The following EVPLL variants were observed in gnomAD, a reference collection of about 807,000 sequenced individuals.
The protein encoded by EVPLL is envoplakin-like protein.
A neutral mutation model predicts 46.2 loss-of-function variants in EVPLL; 39 were observed. The observed-to-expected ratio is 0.84, with a 90% CI of 0.65 to 1.10. The LOEUF is 1.10. EVPLL is among the 50% of genes least tolerant of loss of function. The pLI, the probability that EVPLL is intolerant of heterozygous loss-of-function variation, is 0.00. For missense variants in EVPLL, 385 were observed against 412.6 expected (o/e 0.93, Z 0.58); for synonymous variants, 156 against 165.8 (o/e 0.94, Z 0.46).
At position 18,389,009 on chromosome 17, in the gene EVPLL, C is replaced by G. The variant is rs1262297667; in HGVS notation, c.*193C>G. 14 of 124,092 alleles carry G rather than the reference C, an allele frequency of 1.1e-4. No individual in the cohort carries two copies. The highest frequency in any genetic ancestry group is 2.1e-4 in the Non-Finnish European group (12 of 56,968). The allele number at this position is 124,092 out of a possible 1,614,324, so 7.7% of individuals were successfully genotyped here. Reference sequence around the variant, plus strand: ...CTGCACCGATACAGCCAAAGACCAGCAAAGCGACAAGCTGCCAGACCTCAT... The same window carrying G: ...CTGCACCGATACAGCCAAAGACCAGGAAAGCGACAAGCTGCCAGACCTCAT... On this transcript the variant is annotated 3_prime_UTR_variant, in exon 11 of 11. Transcript: ENST00000399134.
At chr17:18,384,757 G>A (rs1987713785) in intron 9 of EVPLL, among the ~76,000 whole-genome samples, 1 of 152,150 alleles carries the variant, frequency 6.6e-6, no homozygotes, top group African/African-American at 2.4e-5. Flanking sequence ...ATAGAGCTGG[G>A]GCTTCCTTTT....
At chr17:18,387,707 T>A (rs1392113239) in intron 9 of EVPLL, among the ~76,000 whole-genome samples, 1 of 152,122 alleles carries the variant, frequency 6.6e-6, no homozygotes, top group Non-Finnish European at 1.5e-5. Context: ...TTCGTATTTA[T>A]GCCTCTTAAA....
chr17:18,382,476 T>G (rs1309736043), intron 4 of EVPLL, 37 bp from the exon 5 acceptor site: 2 of 1,550,098 alleles, frequency 1.3e-6, no homozygotes, highest in African/African-American at 2.7e-5. Context: ...CTCTCCACCC[T>G]GGTCCTGTGG....
At chr17:18,387,437 T>C (rs1184924684) in intron 9 of EVPLL, among the ~76,000 whole-genome samples, 3 of 143,252 alleles carry the variant, frequency 2.1e-5, no homozygotes, top group Non-Finnish European at 4.6e-5. Context: ...ACCTGGCCCC[T>C]CCCCAGGGCT....
chr17:18,380,811 T>TG (rs1454502647), intron 1 of EVPLL, 91 bp from the exon 2 acceptor site: 1 of 1,067,836 alleles, frequency 9.4e-7, no homozygotes, highest in African/African-American at 1.6e-5. Context: ...GGGGGCGGGA[T>TG]GGGGTGGAGA....
rs1416158120 is a variant in EVPLL, at chr17:18,381,046, C to T, written c.63+46C>T. On this transcript the variant is annotated intron_variant, in intron 2 of 10. Coordinates refer to ENST00000399134, the MANE Select transcript of EVPLL (RefSeq NM_001145127.2). The surrounding 1 kb of genome is among the most constrained non-coding windows in gnomAD (Gnocchi z 4.2). ...GGCAGGGTGTGGGCAGGCTGGGTGG[C>T]ATGGGAGGCCCATCATCAGGCCTGG... is the stretch of plus-strand genomic sequence containing the variant. The T allele has an allele frequency of 6.5e-7, 1 of 1,549,984 alleles. No individual in the cohort carries two copies. Among genetic ancestry groups the T allele is most frequent in the Non-Finnish European group, 8.7e-7 (1 of 1,146,082 alleles).
rs552422323 is a variant in EVPLL, at chr17:18,387,404, T to TC, written c.877-811dup. ...TTTCACCTGGATTACTGTACCAGCC[T>TC]CCCCAATGGCCTCCCTGGTGCCACC... On this transcript the variant is annotated intron_variant, in intron 9 of 10. Coordinates refer to ENST00000399134, the MANE Select transcript of EVPLL (RefSeq NM_001145127.2). 3.3e-3 allele frequency among the ~76,000 whole-genome samples: 493 copies of TC among 149,484 alleles called. 1 individual carries two copies. Among genetic ancestry groups the TC allele is most frequent in the African/African-American group, 0.012 (475 of 40,154 alleles).
chr17:18,382,551 G>GGAGCTGGAGGAACA lies in EVPLL; in HGVS notation c.388_401dup (p.Asp134GlufsTer66). The GGAGCTGGAGGAACA allele has an allele frequency of 6.4e-7, 1 of 1,551,832 alleles. No individual in the cohort carries two copies. The highest frequency in any genetic ancestry group is 8.7e-7 in the Non-Finnish European group (1 of 1,147,042). On this transcript the variant is annotated frameshift_variant, in exon 5 of 11. Coordinates refer to ENST00000399134, the MANE Select transcript of EVPLL (RefSeq NM_001145127.2). LOFTEE classifies it high-confidence loss of function. ...CAGGCCAGTATGGGCCGGGCATGGC[G>GGAGCTGGAGGAACA]GAGCTGGAGGAACAGATCGCGGAGC...
chr17:18,388,500 C>T (rs1435899392), intron 10 of EVPLL: 3 of 460,808 alleles, frequency 6.5e-6, no homozygotes, highest in African/African-American at 4.1e-5. Flanking sequence ...GTTCCTCTGG[C>T]TATGTGGCTC....
chr17:18,386,129 A>G (rs1410879229), intron 9 of EVPLL, among the ~76,000 whole-genome samples: 1 of 152,112 alleles, frequency 6.6e-6, no homozygotes, highest in African/African-American at 2.4e-5. Context: ...GTCGGCAGGG[A>G]AAGTCCCTTT....
At chr17:18,384,839 C>T (rs1449454417) in intron 9 of EVPLL, among the ~76,000 whole-genome samples, 1 of 152,192 alleles carries the variant, frequency 6.6e-6, no homozygotes, top group Non-Finnish European at 1.5e-5. Context: ...AGCCTCAGCT[C>T]TCTGTGGATG....
chr17:18,386,817 T>C (rs1408961743), intron 9 of EVPLL, among the ~76,000 whole-genome samples: 2 of 151,998 alleles, frequency 1.3e-5, no homozygotes, highest in Non-Finnish European at 2.9e-5. Flanking sequence ...TTAGGGGTGC[T>C]GAAAAGGTGT....
Position 18,381,304 on chromosome 17 carries a change from T to C in EVPLL, c.64-63T>C, listed in dbSNP as rs1987560905. On this transcript the variant is annotated intron_variant, in intron 2 of 10. Coordinates refer to ENST00000399134, the MANE Select transcript of EVPLL (RefSeq NM_001145127.2). This position sits in a 1 kb window ranked among gnomAD's most constrained non-coding sequence, Gnocchi z 4.2. ...CCAAAGGTGGGGCTCAGGCCCACAATGATGGGCAGCAGGGGTGTGGGGGCT... is the reference window on the plus strand; with the variant it reads ...CCAAAGGTGGGGCTCAGGCCCACAACGATGGGCAGCAGGGGTGTGGGGGCT... The C allele has an allele frequency of 6.7e-7, 1 of 1,484,884 alleles. No homozygotes were observed. Among genetic ancestry groups the C allele is most frequent in the Non-Finnish European group, 9.0e-7 (1 of 1,115,586 alleles). The allele number at this position is 1,484,884 out of a possible 1,614,324, so 92.0% of individuals were successfully genotyped here.
intron 9 of EVPLL, chr17:18,386,605 G>T (rs542966155): frequency 2.0e-5 from 3 of 152,178 alleles, no homozygotes; most frequent in African/African-American, 7.2e-5. Flanking sequence ...TTCTTATAAC[G>T]GTGGACACAA....
chr17:18,381,481 C>A lies in EVPLL; in HGVS notation c.178C>A (p.Arg60=). The A allele has an allele frequency of 6.2e-7, 1 of 1,613,860 alleles. No homozygotes were observed. Among genetic ancestry groups the A allele is most frequent in the Non-Finnish European group, 8.5e-7 (1 of 1,179,958 alleles). The part of the protein sequence containing the change: ...KDLFLDVDKA[R]RLKHPQAEET... Reference sequence around the variant, plus strand: ...CCTCTTCCTGGACGTGGACAAGGCCCGGCGGCTCAAGCACCCGCAGGCTGA... The same window carrying A: ...CCTCTTCCTGGACGTGGACAAGGCCAGGCGGCTCAAGCACCCGCAGGCTGA... The change falls in exon 3 of 11, where the codon CGG becomes AGG. Residue 60 remains arginine, a synonymous_variant. Transcript: ENST00000399134. The surrounding 1 kb of genome is among the most constrained non-coding windows in gnomAD (Gnocchi z 4.2).
At chr17:18,382,118 G>A in intron 4 of EVPLL, 1 of 362,294 alleles carries the variant, frequency 2.8e-6, no homozygotes, top group East Asian at 5.9e-5. Flanking sequence ...CACACAGAAG[G>A]GGTGTCATCA....
At chr17:18,378,846 G>A (rs1987468288) in intron 1 of EVPLL, among the ~76,000 whole-genome samples, 3 of 147,712 alleles carry the variant, frequency 2.0e-5, no homozygotes, top group African/African-American at 7.5e-5. Flanking sequence ...GGGAGGCTGA[G>A]GCGGGTGGAT....
At chr17:18,378,275 A>G (rs1987447846) in intron 1 of EVPLL, among the ~76,000 whole-genome samples, 1 of 152,232 alleles carries the variant, frequency 6.6e-6, no homozygotes, top group East Asian at 1.9e-4. Flanking sequence ...AGTGCCGGAC[A>G]GGAGCCTGCA....
Position 18,381,169 on chromosome 17 carries a change from C to A in EVPLL, c.63+169C>A. ...ACACACGGTGGGAGAGAGGGCTCAA[C>A]TTCCTTCTTTGCTGGGCTCCCCTGT... On this transcript the variant is annotated intron_variant, in intron 2 of 10. Transcript: ENST00000399134. This position sits in a 1 kb window ranked among gnomAD's most constrained non-coding sequence, Gnocchi z 4.2. 1 of 1,197,530 alleles carries A rather than the reference C, an allele frequency of 8.4e-7. No individual in the cohort carries two copies. The highest frequency in any genetic ancestry group is 1.2e-6 in the Non-Finnish European group (1 of 860,970). 74.2% of individuals were successfully genotyped at this position (1,197,530 alleles called of 1,614,324 possible).
Sources: gnomAD v4.1 joint callset for allele counts (sites outside exome capture counted in the v4.1 genomes callset) on GRCh38, gnomAD v4.1.1 for gene constraint, Gnocchi (gnomAD v3.1) non-coding constraint, MANE v1.5 for transcripts, NCBI Gene and HGNC (gene_info 2026-07-23, HGNC 2026-07-21) for gene names.